ATRX: variants seen among roughly 807,000 people sequenced by gnomAD.
The protein encoded by ATRX is chromatin remodeler ATRX.
Under a neutral mutation model 172.6 loss-of-function variants are expected in ATRX, and 12 were observed. That is an observed-to-expected ratio of 0.07 (90% CI 0.04 to 0.11). The LOEUF (loss-of-function observed/expected upper bound fraction) is 0.11, where lower values mean the gene tolerates loss of function less well. ATRX is among the 10% of genes least tolerant of loss of function. ATRX has a pLI of 1.00. For missense variants in ATRX, 1,368 were observed against 1,767.4 expected (o/e 0.77, Z 4.05); for synonymous variants, 674 against 594.7 (o/e 1.13, Z -1.94).
chrX:77,606,678 T>C (rs577002065), intron 22 of ATRX, among the ~76,000 whole-genome samples: 1 of 107,724 alleles, frequency 9.3e-6, no homozygotes, highest in African/African-American at 3.4e-5. Flanking sequence ...ATCCCAGCAC[T>C]TCGGGAGGCC....
intron 22 of ATRX, among the ~76,000 whole-genome samples, chrX:77,602,919 A>G (rs781858484): frequency 7.9e-4 from 88 of 111,324 alleles, no homozygotes; most frequent in Non-Finnish European, 8.9e-4. Context: ...GGATCAAAGC[A>G]TTAGTAAATC....
intron 15 of ATRX, among the ~76,000 whole-genome samples, chrX:77,640,761 G>A (rs782280934): frequency 1.2e-4 from 13 of 111,477 alleles, no homozygotes; most frequent in Middle Eastern, 4.6e-3. Context: ...AGAAACAAAG[G>A]TCAGGCTGAG....
At chrX:77,755,593 T>C (rs1380298890) in intron 1 of ATRX, among the ~76,000 whole-genome samples, 1 of 112,085 alleles carries the variant, frequency 8.9e-6, no homozygotes, top group Non-Finnish European at 1.9e-5. Context: ...AGGCCCCTCT[T>C]ATGCAGGTCT....
chrX:77,659,548 C>A (rs1557121477), intron 12 of ATRX, among the ~76,000 whole-genome samples: 2 of 107,595 alleles, frequency 1.9e-5, no homozygotes, highest in African/African-American at 6.8e-5. Context: ...TTTTCTTACA[C>A]TGAACCATGT....
intron 2 of ATRX, among the ~76,000 whole-genome samples, chrX:77,705,078 C>T (rs1430919461): frequency 1.8e-5 from 2 of 111,480 alleles, no homozygotes; most frequent in African/African-American, 6.5e-5. Flanking sequence ...GTGGCTGCGG[C>T]TGCACCCGGG....
chrX:77,563,707 G>A (rs2065097371), intron 28 of ATRX, among the ~76,000 whole-genome samples: 1 of 38,363 alleles, frequency 2.6e-5, no homozygotes, highest in South Asian at 1.2e-3. Flanking sequence ...ACATGCGTGT[G>A]TGTGTGTGTG....
chrX:77,681,461 A>G, intron 9 of ATRX, 59 bp downstream of exon 9: 11 of 1,079,753 alleles, frequency 1.0e-5, no homozygotes, highest in Non-Finnish European at 1.3e-5. Flanking sequence ...AAATTAAACA[A>G]TGTAGTAACT....
At chrX:77,724,137 G>A (rs1307482880) in intron 1 of ATRX, among the ~76,000 whole-genome samples, 2 of 110,131 alleles carry the variant, frequency 1.8e-5, no homozygotes, top group East Asian at 5.8e-4. Context: ...AATTAGCCGG[G>A]CCTGGTGGTG....
At chrX:77,635,828 C>T (rs2068323383) in intron 16 of ATRX, 87 bp downstream of exon 16, 4 of 903,008 alleles carry the variant, frequency 4.4e-6, no homozygotes, top group Non-Finnish European at 6.2e-6. Context: ...ACCTCCAGGA[C>T]TTAGCAGGAT....
At chrX:77,553,549 T>C (rs148153707) in intron 30 of ATRX, among the ~76,000 whole-genome samples, 46 of 112,123 alleles carry the variant, frequency 4.1e-4, no homozygotes, top group African/African-American at 1.5e-3. Flanking sequence ...TCTTTACTTT[T>C]ACCTCTTCCC....
In ATRX at chrX:77,652,300, C is replaced by G. The variant is rs2148439501; in HGVS notation, c.4371G>C (p.Glu1457Asp). The change falls in exon 15 of 35, where the codon GAG becomes GAC. Residue 1457 changes from glutamate (E) to aspartate (D), a missense_variant. Around this residue, in one of 17 missense-constraint regions of ATRX, gnomAD observed 119 missense variants for 131.3 expected, o/e 0.91. Transcript: ENST00000373344. ...CATCTTCCTCCTCCTCTTCCTCCTCCTCCTCCTCTTCCTCCTCCTCTTCTT... is the reference window on the plus strand; with the variant it reads ...CATCTTCCTCCTCCTCTTCCTCCTCGTCCTCCTCTTCCTCCTCCTCTTCTT... ...EEKEEEEEEEEEEEEEEEDEN... is the reference protein window; with the variant it reads ...EEKEEEEEEEDEEEEEEEDEN... The G allele has an allele frequency of 8.3e-7, 1 of 1,208,290 alleles. No homozygotes were observed. The highest frequency in any genetic ancestry group is 1.1e-6 in the Non-Finnish European group (1 of 894,224).
chrX:77,775,343 C>G (rs1418685253), intron 1 of ATRX, among the ~76,000 whole-genome samples: 1 of 111,381 alleles, frequency 9.0e-6, no homozygotes, highest in Non-Finnish European at 1.9e-5. Flanking sequence ...CTCTTTATCT[C>G]CCTAAAGATA....
At chrX:77,741,759 G>A (rs782407856) in intron 1 of ATRX, among the ~76,000 whole-genome samples, 1 of 111,805 alleles carries the variant, frequency 8.9e-6, no homozygotes, top group South Asian at 3.7e-4. Flanking sequence ...ACCACATCCA[G>A]CCGATAGTGA....
chrX:77,709,808 T>C (rs2073022885), intron 2 of ATRX, among the ~76,000 whole-genome samples: 1 of 110,802 alleles, frequency 9.0e-6, no homozygotes, highest in Non-Finnish European at 1.9e-5. Context: ...AATGTAAATG[T>C]AGTTTAATTA....
At chrX:77,756,539 T>C (rs1270149196) in intron 1 of ATRX, among the ~76,000 whole-genome samples, 3 of 110,348 alleles carry the variant, frequency 2.7e-5, no homozygotes, top group African/African-American at 9.9e-5. Context: ...GGGAAAAGTG[T>C]AGTATCTGTG....
intron 28 of ATRX, among the ~76,000 whole-genome samples, chrX:77,562,405 GGTT>G (rs1460534565): frequency 4.5e-5 from 5 of 111,679 alleles, no homozygotes; most frequent in African/African-American, 1.3e-4. Context: ...TTCCCAGAAT[GGTT>G]GTTATTTTAT....
chrX:77,683,215 A>C lies in ATRX; in HGVS notation c.2041T>G (p.Cys681Gly). Residue 681 changes from cysteine (C) to glycine (G), a missense_variant, in exon 9 of 35, where the codon TGT becomes GGT. By Grantham distance (159) the Cys-to-Gly change is radical. This residue lies in a region of ATRX where 843 missense variants were observed against 643.1 expected (regional missense o/e 1.31). Transcript: ENST00000373344. ...NPVTSNSDEE[C>G]NETVKEKQKL... ...TGTTTCTCCTTAACTGTTTCATTAC[A>C]TTCTTCATCTGAATTAGATGTTACA... The C allele has an allele frequency of 8.3e-7, 1 of 1,211,057 alleles. No individual in the cohort carries two copies. Among genetic ancestry groups the C allele is most frequent in the Non-Finnish European group, 1.1e-6 (1 of 895,021 alleles).
intron 15 of ATRX, among the ~76,000 whole-genome samples, chrX:77,649,183 AAAGAAAGGAAGGAAGG>A (rs1225642887): frequency 9.1e-5 from 10 of 110,029 alleles, no homozygotes; most frequent in African/African-American, 3.3e-4. Flanking sequence ...AAAAAGAAAG[AAAGAAAGGAAGGAAGG>A]AAGGAAGGGA....
intron 9 of ATRX, among the ~76,000 whole-genome samples, chrX:77,680,152 T>C (rs2071106823): frequency 8.9e-6 from 1 of 111,867 alleles, no homozygotes; most frequent in Non-Finnish European, 1.9e-5. Context: ...CTGGAGCTTT[T>C]ATAAAATATA....
Sources: gnomAD v4.1 joint callset for allele counts (sites outside exome capture counted in the v4.1 genomes callset) on GRCh38, gnomAD v4.1.1 for gene constraint, gnomAD v4.1.1 regional missense constraint, MANE v1.5 for transcripts, NCBI Gene and HGNC (gene_info 2026-07-23, HGNC 2026-07-21) for gene names.